Variants in VAT1L observed in about 807,000 individuals in gnomAD.
VAT1L encodes vesicle amine transport 1 like.
VAT1L carries 34 observed loss-of-function variants against 44.1 expected under a neutral mutation model. The ratio of observed to expected loss-of-function variants is 0.77; its 90% CI spans 0.59 to 1.03. VAT1L has a LOEUF of 1.03. Ranked by LOEUF, VAT1L falls within the 50% of genes least tolerant of loss-of-function variation. VAT1L has a pLI of 0.00. For missense variants in VAT1L, 615 were observed against 538.8 expected, an observed-to-expected ratio of 1.14 and a Z score of -1.40; for synonymous variants, 253 against 202.2, an observed-to-expected ratio of 1.25 and a Z score of -2.13.
In VAT1L at chr16:77,825,457, G is replaced by A. The variant is rs1218307555; in HGVS notation, c.575G>A (p.Gly192Asp). 3 of 1,581,300 alleles carry A rather than the reference G, an allele frequency of 1.9e-6. No individual in the cohort carries two copies. The highest frequency in any genetic ancestry group is 2.6e-6 in the Non-Finnish European group (3 of 1,162,220). Residue 192 changes from glycine to aspartate, a missense_variant, in exon 3 of 9, where the codon GGC becomes GAC. Gly to Asp is a moderately conservative substitution (Grantham distance 94). Transcript: ENST00000302536. ...GTGCTCGTGCACTCAGCTGGTGGGG[G>A]CGTGGTAAGTCAGCTGTTTGTAACT... ...MSVLVHSAGG[G>D]VGQAVAQLCS... is the part of the protein sequence containing the mutation.
At chr16:77,885,389 G>A (rs2142462065) in intron 7 of VAT1L, among the ~76,000 whole-genome samples, 1 of 152,268 alleles carries the variant, frequency 6.6e-6, no homozygotes, top group African/African-American at 2.4e-5. Flanking sequence ...GGATACTGAA[G>A]CATGAACTGG....
intron 1 of VAT1L, among the ~76,000 whole-genome samples, chr16:77,803,698 C>T (rs1385001111): frequency 2.0e-5 from 3 of 152,148 alleles, no homozygotes; most frequent in Admixed American, 6.5e-5. Flanking sequence ...GGATTACAGG[C>T]GTGAACCACC....
At chr16:77,852,071 C>A (rs937104265) in intron 3 of VAT1L, among the ~76,000 whole-genome samples, 3 of 152,138 alleles carry the variant, frequency 2.0e-5, no homozygotes, top group African/African-American at 7.2e-5. Flanking sequence ...CTCCCACAGT[C>A]TCTTCCTCCA....
intron 3 of VAT1L, among the ~76,000 whole-genome samples, chr16:77,830,161 T>G (rs558033023): frequency 3.3e-5 from 5 of 152,228 alleles, no homozygotes; most frequent in African/African-American, 1.2e-4. Context: ...CTCACTCTAC[T>G]CAGAACACTC....
rs756573336 is a variant in VAT1L at position 77,824,862 on chromosome 16, C to CTTT, written c.364-365_364-363dup. Among the ~76,000 whole-genome samples, 243 of 75,510 alleles carry CTTT rather than the reference C, an allele frequency of 3.2e-3. 6 individuals are homozygous for CTTT. Among genetic ancestry groups the CTTT allele is most frequent in the Middle Eastern group, 0.022 (2 of 90 alleles). 49.5% of individuals were successfully genotyped at this position (75,510 alleles called of 152,430 possible). A position where few individuals can be genotyped will look rare whatever the true frequency, so the allele number is the denominator to read the frequency against. ...GTACCGTGGATAGCTCCCAATAATG[C>CTTT]TTTTTTTTTTTTTTTTTTTTTGGAG... On this transcript the variant is annotated intron_variant, in intron 2 of 8. Transcript: ENST00000302536.
intron 3 of VAT1L, among the ~76,000 whole-genome samples, chr16:77,835,084 C>A (rs2016624689): frequency 6.6e-6 from 1 of 152,130 alleles, no homozygotes; most frequent in African/African-American, 2.4e-5. Context: ...TAAGCCCCTC[C>A]ATCAAAGCAA....
intron 7 of VAT1L, among the ~76,000 whole-genome samples, chr16:77,943,501 G>A (rs532359423): frequency 8.5e-4 from 126 of 147,434 alleles, no homozygotes; most frequent in African/African-American, 3.1e-3. Flanking sequence ...CCGGGTTCAC[G>A]CCATTCTCCT....
At chr16:77,949,840 G>A (rs527248810) in intron 7 of VAT1L, among the ~76,000 whole-genome samples, 1 of 152,338 alleles carries the variant, frequency 6.6e-6, no homozygotes, top group South Asian at 2.1e-4. Flanking sequence ...TACAGCAGGT[G>A]AGGCTGCCGA....
At chr16:77,881,633 A>G (rs1395897666) in intron 6 of VAT1L, among the ~76,000 whole-genome samples, 5 of 152,238 alleles carry the variant, frequency 3.3e-5, no homozygotes, top group Admixed American at 2.0e-4. Flanking sequence ...TGGAATGGAT[A>G]ATACTCCCTG....
intron 7 of VAT1L, among the ~76,000 whole-genome samples, chr16:77,947,634 C>A (rs1264672355): frequency 6.6e-6 from 1 of 152,188 alleles, no homozygotes; most frequent in African/African-American, 2.4e-5. Context: ...CACACAACAT[C>A]CCCAGGACAC....
At position 77,959,760 on chromosome 16, in the gene VAT1L, G is replaced by A. The variant is rs144423810; in HGVS notation, c.1078-12090G>A. On this transcript the variant is annotated intron_variant, in intron 7 of 8. Transcript: ENST00000302536. ...CAAAGACTGAGGATTATTAACCCTC[G>A]TGGCCCAAGTGTGAAGGAACTAACC... Among the ~76,000 whole-genome samples the A allele has an allele frequency of 5.8e-3, 882 of 152,280 alleles. 13 individuals carry two copies. The highest frequency in any genetic ancestry group is 0.02 in the African/African-American group (832 of 41,558).
intron 7 of VAT1L, among the ~76,000 whole-genome samples, chr16:77,948,066 C>T (rs1381352388): frequency 6.6e-6 from 1 of 152,166 alleles, no homozygotes; most frequent in East Asian, 1.9e-4. Flanking sequence ...GGCCCCATCT[C>T]CCTCTTAAAA....
At chr16:77,817,371 A>G (rs533982386) in intron 2 of VAT1L, among the ~76,000 whole-genome samples, 5 of 152,102 alleles carry the variant, frequency 3.3e-5, no homozygotes, top group Non-Finnish European at 7.3e-5. Context: ...CATATCCGGA[A>G]CTCTCATTTT....
chr16:77,955,525 G>T (rs2018093021), intron 7 of VAT1L, among the ~76,000 whole-genome samples: 1 of 152,168 alleles, frequency 6.6e-6, no homozygotes, highest in East Asian at 1.9e-4. Flanking sequence ...AGGTGTTCGA[G>T]ACCACCCTGG....
intron 1 of VAT1L, among the ~76,000 whole-genome samples, chr16:77,814,232 T>A (rs1481160349): frequency 3.3e-5 from 5 of 152,216 alleles, no homozygotes; most frequent in Admixed American, 3.3e-4. Flanking sequence ...GAAACAGGTC[T>A]GATCCAACAC....
At chr16:77,960,924 C>G (rs2018153768) in intron 7 of VAT1L, among the ~76,000 whole-genome samples, 1 of 152,074 alleles carries the variant, frequency 6.6e-6, no homozygotes, top group Admixed American at 6.6e-5. Flanking sequence ...CGCGCTGAGT[C>G]TTGAACACCA....
chr16:77,868,297 A>G (rs2016996297), intron 4 of VAT1L, among the ~76,000 whole-genome samples: 1 of 152,202 alleles, frequency 6.6e-6, no homozygotes, highest in Non-Finnish European at 1.5e-5. Flanking sequence ...ATGAAGTGAG[A>G]CCATTGTAAA....
chr16:77,937,041 C>T (rs527792103), intron 7 of VAT1L, among the ~76,000 whole-genome samples: 3 of 152,242 alleles, frequency 2.0e-5, no homozygotes, highest in East Asian at 1.9e-4. Flanking sequence ...CATGCCACCA[C>T]GCCCGGCTAA....
In VAT1L at chr16:77,943,361, G is replaced by A. The variant is rs143609267; in HGVS notation, c.1078-28489G>A. On this transcript the variant is annotated intron_variant, in intron 7 of 8. Transcript: ENST00000302536. ...TTACAGGCGTGAACCACCGCACTTG[G>A]CCTATTTTCTTTTTCTTTCTTTTTT... is the stretch of plus-strand genomic sequence containing the variant. 1.2e-4 allele frequency among the ~76,000 whole-genome samples: 18 copies of A among 150,602 alleles called. No individual in the cohort carries two copies. In the East Asian group the frequency reaches 3.4e-3, roughly 28 times the overall value.
Sources: allele counts gnomAD v4.1 joint callset (sites outside exome capture counted in the v4.1 genomes callset), GRCh38; gene constraint gnomAD v4.1.1; transcripts MANE v1.5; gene names NCBI Gene and HGNC (gene_info 2026-07-23, HGNC 2026-07-21).